The following DOCK8 variants were observed in gnomAD, a reference collection of about 807,000 sequenced individuals.
DOCK8 encodes dedicator of cytokinesis protein 8.
DOCK8 carries 141 observed loss-of-function variants against 245.6 expected under a neutral mutation model. The observed-to-expected ratio is 0.57, with a 90% CI of 0.50 to 0.66. The LOEUF (loss-of-function observed/expected upper bound fraction) is 0.66, where lower values mean the gene tolerates loss of function less well. Ranked by LOEUF, DOCK8 falls within the 30% of genes least tolerant of loss-of-function variation. The probability of loss-of-function intolerance (pLI) is 0.00; values close to 1 mark genes in which losing one functional copy is unlikely to be tolerated. For synonymous variants in DOCK8, 1,168 were observed against 970.2 expected (o/e 1.20, Z -3.79); for missense variants, 2,965 against 2,603.4 (o/e 1.14, Z -3.02).
Position 371,576 on chromosome 9 carries a change from T to C in DOCK8, c.2007+10T>C. ...TCTCCTGGGATATTCAGTGAGTTGTTTCCAGCCTGCTGACTCACACTGCAG... is the reference window on the plus strand; with the variant it reads ...TCTCCTGGGATATTCAGTGAGTTGTCTCCAGCCTGCTGACTCACACTGCAG... On this transcript the variant is annotated intron_variant, in intron 17 of 47. Coordinates refer to ENST00000432829, the MANE Select transcript of DOCK8 (RefSeq NM_203447.4). The C allele has an allele frequency of 6.2e-7, 1 of 1,614,178 alleles. No individual in the cohort carries two copies. The highest frequency in any genetic ancestry group is 1.1e-5 in the South Asian group (1 of 91,080).
At chr9:218,131 A>AT (rs920175942) in intron 1 of DOCK8, among the ~76,000 whole-genome samples, 58 of 152,070 alleles carry the variant, frequency 3.8e-4, no homozygotes, top group African/African-American at 7.2e-4. Context: ...CCTACCTATT[A>AT]TTTTTTTTAA....
chr9:318,970 G>A (rs976923379), intron 7 of DOCK8, among the ~76,000 whole-genome samples: 3 of 152,128 alleles, frequency 2.0e-5, no homozygotes, highest in Non-Finnish European at 2.9e-5. Context: ...GGGAAAACAT[G>A]GTCACTAAGA....
chr9:340,229 C>G lies in DOCK8; in HGVS notation c.1587C>G (p.Pro529=), dbSNP rs146289269. 786 of 1,614,102 alleles carry G rather than the reference C, an allele frequency of 4.9e-4. 4 individuals carry two copies. In the African/African-American group the frequency reaches 9.2e-3, roughly 19 times the overall value. Reference sequence around the variant, plus strand: ...GCTGTCTGACTCCTGAAATGCTGCCCGTGAAACCCTTTCCTGAAAACCGGA... The same window carrying G: ...GCTGTCTGACTCCTGAAATGCTGCCGGTGAAACCCTTTCCTGAAAACCGGA... The part of the protein sequence containing the change: ...INCCLTPEML[P]VKPFPENRTR... Residue 529 remains proline (P), a synonymous_variant, in exon 14 of 48, where the codon CCC becomes CCG. Coordinates refer to ENST00000432829, the MANE Select transcript of DOCK8 (RefSeq NM_203447.4).
chr9:286,425 G>A (rs935765288), intron 2 of DOCK8, 36 bp from the exon 3 acceptor site: 2 of 1,609,804 alleles, frequency 1.2e-6, no homozygotes, highest in Non-Finnish European at 1.7e-6. Flanking sequence ...AGAAAACTGG[G>A]TGAGAACCTC....
chr9:415,096 A>G (rs1189256943), intron 29 of DOCK8, 145 bp downstream of exon 29: 4 of 1,165,302 alleles, frequency 3.4e-6, no homozygotes, highest in Non-Finnish European at 5.0e-6. Flanking sequence ...CCTCTTTAAC[A>G]CTGGCCCCAA....
chr9:373,667 T>G (rs2053395193), intron 18 of DOCK8, among the ~76,000 whole-genome samples: 1 of 152,250 alleles, frequency 6.6e-6, no homozygotes. Context: ...TTTCGCCATC[T>G]ACCGTCTCAC....
intron 14 of DOCK8, chr9:340,701 C>T (rs1348929673): frequency 5.0e-6 from 1 of 199,944 alleles, no homozygotes; most frequent in Non-Finnish European, 1.0e-5. Flanking sequence ...ATAACGTTTT[C>T]TCATCCTTCA....
chr9:411,878 T>A (rs1269288554), intron 28 of DOCK8, among the ~76,000 whole-genome samples: 1 of 152,168 alleles, frequency 6.6e-6, no homozygotes. Flanking sequence ...TTTAATAAAA[T>A]CTAATAACGC....
intron 12 of DOCK8, among the ~76,000 whole-genome samples, chr9:337,656 A>T (rs2051375206): frequency 6.6e-6 from 1 of 152,120 alleles, no homozygotes; most frequent in Non-Finnish European, 1.5e-5. Context: ...AAGACTATTT[A>T]AAAAAATAAA....
rs2297076 is a variant in DOCK8 at position 396,712 on chromosome 9, T to A, written c.2971-73T>A. On this transcript the variant is annotated intron_variant, in intron 24 of 47. Transcript: ENST00000432829. ...TTGTTAGAGAGCATTTCTGTGAGTC[T>A]TTCCCCCTTTTCTGCATTGTACAAG... 348,818 of 1,586,892 alleles carry A rather than the reference T, an allele frequency of 0.22. 39,464 individuals are homozygous for A. Among genetic ancestry groups the A allele is most frequent in the Middle Eastern group, 0.25 (1,497 of 5,962 alleles).
At chr9:316,971 C>A in intron 6 of DOCK8, 72 bp from the exon 7 acceptor site, 1 of 1,237,328 alleles carries the variant, frequency 8.1e-7, no homozygotes, top group Non-Finnish European at 1.2e-6. Flanking sequence ...GCCTTCCCTT[C>A]CCTGGGTTAA....
At chr9:339,162 C>G (rs1382579547) in intron 13 of DOCK8, 63 bp downstream of exon 13, 3 of 1,361,836 alleles carry the variant, frequency 2.2e-6, no homozygotes, top group Non-Finnish European at 3.1e-6. Flanking sequence ...TAGACACAGT[C>G]TTTGTCTAAT....
chr9:214,742 G>A, upstream of DOCK8: 1 of 1,520,198 alleles, frequency 6.6e-7, no homozygotes, highest in Non-Finnish European at 8.8e-7. Flanking sequence ...CGCCCTCCTC[G>A]CCCGCCGCTG....
intron 25 of DOCK8, among the ~76,000 whole-genome samples, chr9:398,457 T>C (rs12347186): frequency 0.053 from 8,055 of 152,250 alleles, 538 homozygotes; most frequent in African/African-American, 0.16. Flanking sequence ...ATTCTGAGAA[T>C]AAAGGACATA....
Position 422,132 on chromosome 9 carries a change from A to G in DOCK8, c.4238A>G (p.Asp1413Gly). Residue 1413 changes from aspartate to glycine, a missense_variant, in exon 33 of 48, where the codon GAT becomes GGT. Asp to Gly is a moderately conservative substitution (Grantham distance 94). Transcript: ENST00000432829. ...TGGCGGCAAGCTAATGAGAAGCTAG[A>G]TAAGTGAGTCACTCGGCAACTTTCT... The part of the protein sequence containing the change: ...THWRQANEKL[D>G]KTKAELDQEA... 2 of 1,614,034 alleles carry G rather than the reference A, an allele frequency of 1.2e-6. No individual in the cohort carries two copies. The highest frequency in any genetic ancestry group is 1.7e-6 in the Non-Finnish European group (2 of 1,179,950).
At chr9:260,259 TAACC>T (rs933241047) in intron 1 of DOCK8, among the ~76,000 whole-genome samples, 7 of 152,182 alleles carry the variant, frequency 4.6e-5, no homozygotes, top group African/African-American at 7.2e-5. Flanking sequence ...CACCAGAAGG[TAACC>T]ATACTGTCTT....
chr9:276,613 A>G (rs542053859), intron 2 of DOCK8, among the ~76,000 whole-genome samples: 1 of 152,290 alleles, frequency 6.6e-6, no homozygotes, highest in East Asian at 1.9e-4. Context: ...CTTTGTGACC[A>G]GGGCTAGAAG....
At chr9:400,013 T>TTCCACCATCACCACCTCCTTCACCATCAC (rs2054689283) in intron 26 of DOCK8, among the ~76,000 whole-genome samples, 3 of 45,734 alleles carry the variant, frequency 6.6e-5, no homozygotes, top group African/African-American at 3.0e-4. Flanking sequence ...ACCTCCACCA[T>TTCCACCATCACCACCTCCTTCACCATCAC]CACCACCACC....
At chr9:283,138 T>G (rs10967888) in intron 2 of DOCK8, among the ~76,000 whole-genome samples, 1 of 152,198 alleles carries the variant, frequency 6.6e-6, no homozygotes, top group Non-Finnish European at 1.5e-5. Flanking sequence ...CGGTTAAGAA[T>G]GTGAGTCTGC....
Sources: allele counts gnomAD v4.1 joint callset (sites outside exome capture counted in the v4.1 genomes callset), GRCh38; gene constraint gnomAD v4.1.1; transcripts MANE v1.5; gene names NCBI Gene and HGNC (gene_info 2026-07-23, HGNC 2026-07-21).